Variants in PCCA observed in about 807,000 individuals in gnomAD.
The protein encoded by PCCA is propionyl-CoA carboxylase alpha chain, mitochondrial.
Under a neutral mutation model 101.3 loss-of-function variants are expected in PCCA, and 74 were observed. The ratio of observed to expected loss-of-function variants is 0.73; its 90% confidence interval spans 0.61 to 0.89. PCCA has a LOEUF of 0.89. Among genes scored for constraint, PCCA ranks in the 40% least tolerant of loss-of-function variants. The pLI is 0.00. For synonymous variants in PCCA, 294 were observed against 313.6 expected, an observed-to-expected ratio of 0.94 and a Z score of 0.66; for missense variants, 891 against 907.0, an observed-to-expected ratio of 0.98 and a Z score of 0.23.
At chr13:100,397,008 C>T (rs1276595037) in intron 19 of PCCA, among the ~76,000 whole-genome samples, 2 of 152,140 alleles carry the variant, frequency 1.3e-5, no homozygotes, top group East Asian at 1.9e-4. Flanking sequence ...CCGACTGGCT[C>T]CTGCCCTGTG....
chr13:100,137,804 C>CTTTTT (rs34819598), intron 4 of PCCA, among the ~76,000 whole-genome samples: 3 of 144,370 alleles, frequency 2.1e-5, no homozygotes, highest in African/African-American at 5.1e-5. Flanking sequence ...ATGTTTAAGT[C>CTTTTT]TTTTTTTTTT....
At position 100,237,259 on chromosome 13, in the gene PCCA, T is replaced by C. The variant is rs574942564; in HGVS notation, c.637+1381T>C. 93 of 152,380 alleles carry C rather than the reference T, an allele frequency of 6.1e-4. 1 individual carries two copies. The highest frequency in any genetic ancestry group is 2.2e-3 in the African/African-American group (91 of 41,590). The allele number at this position is 152,380 out of a possible 1,614,324, so 9.4% of individuals were successfully genotyped here. ...GGCTTATTGCACCCTTGTTTGTAGT[T>C]GGTACTGTCTAAATTATTTGGGCTT... On this transcript the variant is annotated intron_variant, in intron 8 of 23. Transcript: ENST00000376285.
intron 4 of PCCA, among the ~76,000 whole-genome samples, chr13:100,117,991 C>A (rs894217810): frequency 4.6e-5 from 7 of 151,882 alleles, no homozygotes; most frequent in African/African-American, 1.4e-4. Context: ...TGGCAGGCTC[C>A]TGTGGTCCCA....
intron 21 of PCCA, chr13:100,466,044 G>A (rs1480074475): frequency 6.6e-6 from 1 of 152,214 alleles, no homozygotes; most frequent in Non-Finnish European, 1.5e-5. Context: ...ATTGCATTGT[G>A]TTCATTTGGG....
chr13:100,247,494 G>T (rs1399532174), intron 8 of PCCA, among the ~76,000 whole-genome samples: 1 of 149,904 alleles, frequency 6.7e-6, no homozygotes, highest in African/African-American at 2.5e-5. Flanking sequence ...GGGATTACAG[G>T]TGTGAGCCAC....
chr13:100,429,041 G>C (rs529719197), intron 20 of PCCA, among the ~76,000 whole-genome samples: 1 of 152,218 alleles, frequency 6.6e-6, no homozygotes, highest in East Asian at 1.9e-4. Flanking sequence ...GAGGCAAAGA[G>C]AGAAGTCAGC....
intron 21 of PCCA, among the ~76,000 whole-genome samples, chr13:100,449,886 C>T (rs772030740): frequency 6.6e-6 from 1 of 152,194 alleles, no homozygotes; most frequent in Non-Finnish European, 1.5e-5. Flanking sequence ...GCTTATTATA[C>T]ATGTTGCCCA....
chr13:100,102,643 C>T (rs753121557), intron 1 of PCCA, among the ~76,000 whole-genome samples: 4 of 152,098 alleles, frequency 2.6e-5, no homozygotes, highest in South Asian at 2.1e-4. Flanking sequence ...CTTGGCCCCT[C>T]GACAATTCTT....
In PCCA at chr13:100,244,962, T is replaced by TGTGTGTGTGC. The variant is rs1555392072; in HGVS notation, c.637+9087_637+9088insTGTGTGCGTG. 2.0e-4 allele frequency among the ~76,000 whole-genome samples: 28 copies of TGTGTGTGTGC among 143,344 alleles called. 1 individual carries two copies. Among genetic ancestry groups the TGTGTGTGTGC allele is most frequent in the African/African-American group, 6.6e-4 (25 of 38,112 alleles). 94.0% of individuals were successfully genotyped at this position (143,344 alleles called of 152,430 possible). ...GTGTGTGTGTGTGTGTGTGTGTGTG[T>TGTGTGTGTGC]GTGCGCAGTAGTAGAGATGTGGATA... On this transcript the variant is annotated intron_variant, in intron 8 of 23. Transcript: ENST00000376285.
chr13:100,502,619 C>T (rs1473729074), intron 21 of PCCA, among the ~76,000 whole-genome samples: 1 of 152,170 alleles, frequency 6.6e-6, no homozygotes, highest in Admixed American at 6.5e-5. Flanking sequence ...GTGACTAAAG[C>T]TTTTGGCAGT....
At chr13:100,257,715 T>G in intron 9 of PCCA, 42 bp downstream of exon 9, 1 of 1,400,130 alleles carries the variant, frequency 7.1e-7, no homozygotes. Context: ...AAAATTGCAG[T>G]TACCAGAGTT....
At chr13:100,258,691 G>A (rs1405713649) in intron 9 of PCCA, among the ~76,000 whole-genome samples, 1 of 152,052 alleles carries the variant, frequency 6.6e-6, no homozygotes, top group African/African-American at 2.4e-5. Flanking sequence ...TGCTGCTGTT[G>A]ATTTATAAAT....
At chr13:100,493,916 C>G (rs1034128657) in intron 21 of PCCA, among the ~76,000 whole-genome samples, 1 of 152,164 alleles carries the variant, frequency 6.6e-6, no homozygotes, top group East Asian at 1.9e-4. Flanking sequence ...TTTGGCTGGG[C>G]GCGGTGGCTC....
intron 12 of PCCA, 24 bp from the exon 13 acceptor site, chr13:100,301,436 G>C (rs768327797): frequency 1.2e-6 from 2 of 1,613,532 alleles, no homozygotes; most frequent in South Asian, 1.1e-5. Context: ...TACACCTACT[G>C]ACTGGCAGAC....
intron 19 of PCCA, among the ~76,000 whole-genome samples, chr13:100,380,257 A>G (rs976861124): frequency 1.1e-4 from 17 of 152,058 alleles, no homozygotes; most frequent in African/African-American, 3.9e-4. Flanking sequence ...AGCTACCTAG[A>G]AGGCTGGGGT....
intron 19 of PCCA, among the ~76,000 whole-genome samples, chr13:100,410,775 G>A (rs2078001906): frequency 6.6e-6 from 1 of 151,862 alleles, no homozygotes. Flanking sequence ...TTTTCCCCAA[G>A]AGAAACTCGT....
chr13:100,327,968 A>G (rs774055440), intron 16 of PCCA, among the ~76,000 whole-genome samples: 1 of 152,188 alleles, frequency 6.6e-6, no homozygotes, highest in Non-Finnish European at 1.5e-5. Context: ...TTATGCCTAT[A>G]ATCCTAGTAC....
At chr13:100,224,883 A>T (rs2060060094) in intron 7 of PCCA, among the ~76,000 whole-genome samples, 1 of 152,192 alleles carries the variant, frequency 6.6e-6, no homozygotes, top group African/African-American at 2.4e-5. Flanking sequence ...AAAACTGCAG[A>T]TTTGTAGTAT....
chr13:100,126,617 G>T (rs2049980969), intron 4 of PCCA, among the ~76,000 whole-genome samples: 1 of 152,042 alleles, frequency 6.6e-6, no homozygotes, highest in Non-Finnish European at 1.5e-5. Flanking sequence ...CAGCATGGTT[G>T]GGGTTATCTG....
Sources: allele counts gnomAD v4.1 joint callset (sites outside exome capture counted in the v4.1 genomes callset), GRCh38; gene constraint gnomAD v4.1.1; transcripts MANE v1.5; gene names NCBI Gene and HGNC (gene_info 2026-07-23, HGNC 2026-07-21).